KCNH1: variants seen among roughly 807,000 people sequenced by gnomAD.
KCNH1 encodes potassium voltage-gated channel subfamily H member 1.
Under a neutral mutation model 69.2 loss-of-function variants are expected in KCNH1, and 27 were observed. The observed-to-expected ratio is 0.39, with a 90% CI of 0.29 to 0.54. KCNH1 has a LOEUF of 0.54. Among genes scored for constraint, KCNH1 ranks in the 20% least tolerant of loss-of-function variants. The pLI is 0.68. For synonymous variants in KCNH1, 456 were observed against 487.7 expected (o/e 0.93, Z 0.86); for missense variants, 798 against 1,261.6 (o/e 0.63, Z 5.57).
At position 210,980,059 on chromosome 1, in the gene KCNH1, G is replaced by A. The variant is rs17017090; in HGVS notation, c.1032+38724C>T. On this transcript the variant is annotated intron_variant, in intron 6 of 10. Coordinates refer to ENST00000271751, the MANE Select transcript of KCNH1 (RefSeq NM_172362.3). ...GTCACAAAATGCTTAATTATTTCAGGCATTTAGATTAAATATGCTTTTTCC... is the reference window on the plus strand; with the variant it reads ...GTCACAAAATGCTTAATTATTTCAGACATTTAGATTAAATATGCTTTTTCC... Among the ~76,000 whole-genome samples, 780 of 152,190 alleles carry A rather than the reference G, an allele frequency of 5.1e-3. 10 individuals carry two copies. Among genetic ancestry groups the A allele is most frequent in the African/African-American group, 0.018 (740 of 41,538 alleles).
chr1:211,070,279 G>A (rs1199861171), intron 5 of KCNH1, among the ~76,000 whole-genome samples: 2 of 151,584 alleles, frequency 1.3e-5, no homozygotes, highest in African/African-American at 2.4e-5. Context: ...TAAGCCGGGC[G>A]TAGTGGTGAG....
chr1:211,035,319 G>T (rs988366146), intron 5 of KCNH1, among the ~76,000 whole-genome samples: 2 of 131,778 alleles, frequency 1.5e-5, no homozygotes, highest in Non-Finnish European at 3.1e-5. Context: ...CGGGATCTCG[G>T]CTCACTGCAA....
At chr1:210,770,931 C>T (rs79283153) in intron 10 of KCNH1, among the ~76,000 whole-genome samples, 1 of 152,154 alleles carries the variant, frequency 6.6e-6, no homozygotes, top group African/African-American at 2.4e-5. Flanking sequence ...ATTAACCGGG[C>T]AACCTTGGAA....
chr1:211,011,682 C>T (rs1470947397), intron 6 of KCNH1, among the ~76,000 whole-genome samples: 3 of 152,280 alleles, frequency 2.0e-5, no homozygotes, highest in Admixed American at 1.3e-4. Flanking sequence ...CAGGCAGGAT[C>T]GACTTCCTGC....
intron 5 of KCNH1, among the ~76,000 whole-genome samples, chr1:211,076,966 C>T (rs1013548358): frequency 2.6e-5 from 4 of 152,120 alleles, no homozygotes; most frequent in Non-Finnish European, 4.4e-5. Context: ...GACACATGCA[C>T]AAGCTTCAAT....
chr1:210,686,239 T>C (rs980972426), intron 10 of KCNH1, among the ~76,000 whole-genome samples: 1 of 152,210 alleles, frequency 6.6e-6, no homozygotes. Flanking sequence ...GGGACCCTTT[T>C]CACTCTGTGC....
At chr1:210,734,420 G>C (rs1682822841) in intron 10 of KCNH1, among the ~76,000 whole-genome samples, 1 of 152,136 alleles carries the variant, frequency 6.6e-6, no homozygotes, top group Admixed American at 6.5e-5. Flanking sequence ...GGGAGCAAGA[G>C]AGAAAATAGA....
chr1:210,789,156 A>G (rs2102389964), intron 9 of KCNH1, among the ~76,000 whole-genome samples: 1 of 152,308 alleles, frequency 6.6e-6, no homozygotes, highest in South Asian at 2.1e-4. Context: ...GGCAAGTGGC[A>G]GCAATATTTA....
At chr1:210,686,189 A>AGGCC (rs1681404350) in intron 10 of KCNH1, among the ~76,000 whole-genome samples, 1 of 152,166 alleles carries the variant, frequency 6.6e-6, no homozygotes, top group African/African-American at 2.4e-5. Context: ...ACCCAACTAA[A>AGGCC]GGCCTCATGG....
chr1:210,694,507 A>G (rs948206279), intron 10 of KCNH1, among the ~76,000 whole-genome samples: 1 of 152,182 alleles, frequency 6.6e-6, no homozygotes, highest in African/African-American at 2.4e-5. Context: ...TCTGCAGGGC[A>G]TATGCCCAGT....
intron 6 of KCNH1, among the ~76,000 whole-genome samples, chr1:210,925,671 A>G (rs191530330): frequency 6.6e-6 from 1 of 152,256 alleles, no homozygotes; most frequent in East Asian, 1.9e-4. Flanking sequence ...CTGGGAATAT[A>G]ACTCCACTGG....
chr1:210,913,489 T>C (rs1471720968), intron 7 of KCNH1, among the ~76,000 whole-genome samples: 3 of 152,184 alleles, frequency 2.0e-5, no homozygotes, highest in Non-Finnish European at 4.4e-5. Context: ...AAAGTTGTTA[T>C]ACATCATTAT....
chr1:210,795,722 A>T (rs1022296418), intron 9 of KCNH1, among the ~76,000 whole-genome samples: 1 of 152,104 alleles, frequency 6.6e-6, no homozygotes, highest in Non-Finnish European at 1.5e-5. Flanking sequence ...AGAGTAACTT[A>T]ATCTCCTCCA....
chr1:210,974,035 C>A (rs1365741690), intron 6 of KCNH1, among the ~76,000 whole-genome samples: 2 of 152,134 alleles, frequency 1.3e-5, no homozygotes, highest in East Asian at 3.9e-4. Context: ...TTCACCACAG[C>A]CTCCCCAGAA....
chr1:210,936,210 C>A (rs923966756), intron 6 of KCNH1, among the ~76,000 whole-genome samples: 3 of 152,102 alleles, frequency 2.0e-5, no homozygotes, highest in African/African-American at 7.2e-5. Flanking sequence ...TGCTTTCAAC[C>A]CCGTATTACT....
intron 7 of KCNH1, among the ~76,000 whole-genome samples, chr1:210,857,187 T>G (rs922792392): frequency 3.3e-5 from 5 of 151,906 alleles, no homozygotes; most frequent in African/African-American, 1.2e-4. Context: ...CAGGTTACTG[T>G]TCACACCAGC....
rs888317473 is a variant in KCNH1 at position 210,984,145 on chromosome 1, G to T, written c.1032+34638C>A. ...TTTGTATCCTGAGACTGCTGAAGTT[G>T]TCTATCAGCTTAAGGAGATTTTCAG... is the stretch of plus-strand genomic sequence containing the variant. On this transcript the variant is annotated intron_variant, in intron 6 of 10. Coordinates refer to ENST00000271751, the MANE Select transcript of KCNH1 (RefSeq NM_172362.3). Among the ~76,000 whole-genome samples, 5 of 152,200 alleles carry T rather than the reference G, an allele frequency of 3.3e-5. No homozygotes were observed. The East Asian group carries it at 7.7e-4, about 23-fold the overall frequency.
At chr1:211,065,739 T>C in intron 5 of KCNH1, among the ~76,000 whole-genome samples, 1 of 152,236 alleles carries the variant, frequency 6.6e-6, no homozygotes, top group South Asian at 2.1e-4. Context: ...TTATACATAA[T>C]AAATATATAT....
Position 210,919,550 on chromosome 1 carries a change from T to C in KCNH1, c.1462+90A>G. The C allele has an allele frequency of 8.4e-7, 1 of 1,191,602 alleles. No individual in the cohort carries two copies. The highest frequency in any genetic ancestry group is 1.5e-5 in the African/African-American group (1 of 65,712). 73.8% of individuals were successfully genotyped at this position (1,191,602 alleles called of 1,614,324 possible). ...AACTCTTCCTTGTTTTAAGTTATTA[T>C]TCTCCTGATCCTGCTGGCACTGTAG... On this transcript the variant is annotated intron_variant, in intron 7 of 10. Transcript: ENST00000271751. This position sits in a 1 kb window ranked among gnomAD's most constrained non-coding sequence, Gnocchi z 4.2.
Sources: gnomAD v4.1 joint callset for allele counts (sites outside exome capture counted in the v4.1 genomes callset) on GRCh38, gnomAD v4.1.1 for gene constraint, Gnocchi (gnomAD v3.1) non-coding constraint, MANE v1.5 for transcripts, NCBI Gene and HGNC (gene_info 2026-07-23, HGNC 2026-07-21) for gene names.